Variants in NIPBL observed in about 807,000 individuals in gnomAD.
The protein encoded by NIPBL is nipped-B-like protein.
In NIPBL, 19 loss-of-function variants were observed where a neutral mutation model predicts 321.8. That is an observed-to-expected ratio of 0.06 (90% confidence interval 0.04 to 0.09). NIPBL has a LOEUF of 0.09. NIPBL is among the 10% of genes least tolerant of loss of function. The probability of loss-of-function intolerance (pLI) is 1.00; values close to 1 mark genes in which losing one functional copy is unlikely to be tolerated. For missense variants in NIPBL, 2,210 were observed against 3,327.0 expected, an observed-to-expected ratio of 0.66 and a Z score of 8.26; for synonymous variants, 1,106 against 1,114.1, an observed-to-expected ratio of 0.99 and a Z score of 0.14.
intron 30 of NIPBL, among the ~76,000 whole-genome samples, chr5:37,025,220 T>G (rs535870297): frequency 4.5e-4 from 69 of 152,332 alleles, no homozygotes; most frequent in African/African-American, 1.6e-3. Context: ...GCCACTGCAC[T>G]CCTGCCTGGG....
Position 37,064,980 on chromosome 5 carries a change from GT to G in NIPBL, c.*92del. 1 of 1,536,464 alleles carries G rather than the reference GT, an allele frequency of 6.5e-7. No individual in the cohort carries two copies. The highest frequency in any genetic ancestry group is 2.2e-5 in the East Asian group (1 of 44,514). ...CCAACATTCTGGCAAAAAAAAATCA[GT>G]TTTATGAAGAGTAAGTGGAACCTGG... On this transcript the variant is annotated 3_prime_UTR_variant, in exon 47 of 47. Transcript: ENST00000282516.
intron 40 of NIPBL, among the ~76,000 whole-genome samples, chr5:37,050,397 G>A (rs1484405734): frequency 6.7e-6 from 1 of 149,952 alleles, no homozygotes; most frequent in Non-Finnish European, 1.5e-5. Flanking sequence ...CCAGGAAGCA[G>A]AGAACCCAGG....
In NIPBL at chr5:36,971,949, G is replaced by C; in HGVS notation, c.776G>C (p.Gly259Ala). The change falls in exon 8 of 47, where the codon GGA becomes GCA. Residue 259 changes from glycine to alanine, a missense_variant. By Grantham distance (60) the Gly-to-Ala change is moderately conservative. Around this residue, in one of 14 missense-constraint regions of NIPBL, gnomAD observed 464 missense variants for 529.5 expected, o/e 0.88. Transcript: ENST00000282516. The part of the protein sequence containing the change: ...HMVHRLSSDD[G>A]DSSTMRNAAS... The stretch of plus-strand genomic sequence containing the variant: ...AATTGTATACTCTATTTTTAGGATG[G>C]AGATTCTTCAACAATGAGGAATGCT... 1 of 1,611,366 alleles carries C rather than the reference G, an allele frequency of 6.2e-7. No homozygotes were observed. Among genetic ancestry groups the C allele is most frequent in the South Asian group, 1.1e-5 (1 of 90,980 alleles).
rs1254246484 is a variant in NIPBL, at chr5:37,010,135, T to C, written c.4470T>C (p.Val1490=). Residue 1490 remains valine (V), a synonymous_variant, in exon 21 of 47, where the codon GTT becomes GTC. Coordinates refer to ENST00000282516, the MANE Select transcript of NIPBL (RefSeq NM_133433.4). ...GAGAACCTATGTATATTCAGATGGT[T>C]ACAGCACTGGTTTTACAACTTATTC... ...MDGEPMYIQM[V]TALVLQLIQC... 1.9e-6 allele frequency: 3 copies of C among 1,612,676 alleles called. No individual in the cohort carries two copies. The Admixed American group carries it at 5.0e-5, about 27-fold the overall frequency.
At chr5:37,039,376 G>C (rs1288739891) in intron 34 of NIPBL, among the ~76,000 whole-genome samples, 1 of 151,096 alleles carries the variant, frequency 6.6e-6, no homozygotes, top group Non-Finnish European at 1.5e-5. Flanking sequence ...GAGATGTTAG[G>C]CTGTTAATAT....
intron 1 of NIPBL, among the ~76,000 whole-genome samples, chr5:36,947,103 A>G (rs1301319300): frequency 1.3e-5 from 2 of 152,108 alleles, no homozygotes; most frequent in Non-Finnish European, 2.9e-5. Flanking sequence ...AAAGGAATAT[A>G]TAAATATCTG....
rs1580360096 is a variant in NIPBL, at chr5:36,971,103, C to A, written c.771+67C>A. 4 of 1,375,984 alleles carry A rather than the reference C, an allele frequency of 2.9e-6. No homozygotes were observed. In the East Asian group the frequency reaches 9.6e-5, roughly 33 times the overall value. 85.2% of individuals were successfully genotyped at this position (1,375,984 alleles called of 1,614,324 possible). A position where few individuals can be genotyped will look rare whatever the true frequency, so the allele number is the denominator to read the frequency against. The stretch of plus-strand genomic sequence containing the variant: ...TATTTGTCATATAACCTAGTATTTC[C>A]ATTTCAAAATTTGAATGATACCTAC... On this transcript the variant is annotated intron_variant, in intron 7 of 46. Coordinates refer to ENST00000282516, the MANE Select transcript of NIPBL (RefSeq NM_133433.4).
At chr5:37,008,747 A>G (rs200885917) in intron 20 of NIPBL, 24 bp downstream of exon 20, 16 of 1,112,294 alleles carry the variant, frequency 1.4e-5, no homozygotes, top group African/African-American at 1.1e-4. Flanking sequence ...ACAGAGGTCA[A>G]GTTTAATGAA....
chr5:37,058,782 T>A (rs1754362353), intron 43 of NIPBL, 109 bp from the exon 44 acceptor site: 8 of 907,266 alleles, frequency 8.8e-6, no homozygotes, highest in Non-Finnish European at 1.2e-5. Flanking sequence ...GTCAAGAGGT[T>A]TATAAAATAT....
intron 1 of NIPBL, among the ~76,000 whole-genome samples, chr5:36,887,807 A>G (rs537617703): frequency 1.0e-3 from 159 of 152,296 alleles, no homozygotes; most frequent in Non-Finnish European, 1.7e-3. Context: ...GTACCTCCTG[A>G]TGTCCCATGA....
intron 9 of NIPBL, 47 bp downstream of exon 9, chr5:36,976,449 AAT>A: frequency 6.3e-7 from 1 of 1,589,682 alleles, no homozygotes; most frequent in Non-Finnish European, 8.5e-7. Context: ...GCAAATATGT[AAT>A]TATAGTGTCA....
chr5:36,901,371 T>C (rs1266407738), intron 1 of NIPBL, among the ~76,000 whole-genome samples: 7 of 152,118 alleles, frequency 4.6e-5, no homozygotes, highest in Non-Finnish European at 1.0e-4. Flanking sequence ...GTTGATTCCA[T>C]GTCTTTGCTA....
At chr5:36,934,125 CTT>C (rs1738277839) in intron 1 of NIPBL, among the ~76,000 whole-genome samples, 1 of 152,118 alleles carries the variant, frequency 6.6e-6, no homozygotes. Context: ...ATTTCACACT[CTT>C]TAACTTAGTG....
chr5:37,008,167 A>C, intron 19 of NIPBL, 79 bp downstream of exon 19: 1 of 912,064 alleles, frequency 1.1e-6, no homozygotes, highest in African/African-American at 1.6e-5. Flanking sequence ...ATTTCCAAAA[A>C]ATAATGAAGA....
intron 1 of NIPBL, among the ~76,000 whole-genome samples, chr5:36,946,313 G>T (rs779115744): frequency 6.6e-6 from 1 of 151,612 alleles, no homozygotes; most frequent in Admixed American, 6.6e-5. Context: ...TGCCCAACAG[G>T]CTGGGCTGCA....
intron 1 of NIPBL, among the ~76,000 whole-genome samples, chr5:36,938,481 G>T (rs570335736): frequency 6.6e-6 from 1 of 152,176 alleles, no homozygotes; most frequent in East Asian, 1.9e-4. Context: ...GACTAATTAT[G>T]TAATTTTTTG....
chr5:36,933,610 G>A (rs948470039), intron 1 of NIPBL, among the ~76,000 whole-genome samples: 4 of 151,966 alleles, frequency 2.6e-5, no homozygotes, highest in African/African-American at 9.7e-5. Context: ...GGTAATTTTT[G>A]ATCATTTAAT....
chr5:36,879,162 A>G (rs1166774364), intron 1 of NIPBL, among the ~76,000 whole-genome samples: 1 of 152,182 alleles, frequency 6.6e-6, no homozygotes, highest in Non-Finnish European at 1.5e-5. Context: ...GGATAAACAT[A>G]TTTTTACTAA....
chr5:36,990,122 T>C (rs1184572816), intron 10 of NIPBL, among the ~76,000 whole-genome samples: 1 of 152,156 alleles, frequency 6.6e-6, no homozygotes, highest in Non-Finnish European at 1.5e-5. Context: ...TCCTTTAAAC[T>C]GAAGAGTAAA....
Sources: gnomAD v4.1 joint callset for allele counts (sites outside exome capture counted in the v4.1 genomes callset) on GRCh38, gnomAD v4.1.1 for gene constraint, gnomAD v4.1.1 regional missense constraint, MANE v1.5 for transcripts, NCBI Gene and HGNC (gene_info 2026-07-23, HGNC 2026-07-21) for gene names.